CBR4: variants seen among roughly 807,000 people sequenced by gnomAD.
CBR4 encodes the protein carbonyl reductase 4, also known as 3-oxoacyl-[acyl-carrier-protein] reductase.
CBR4 carries 22 observed loss-of-function variants against 21.0 expected under a neutral mutation model. The observed-to-expected ratio is 1.05, with a 90% CI of 0.75 to 1.50. The LOEUF (loss-of-function observed/expected upper bound fraction) is 1.50, where lower values mean the gene tolerates loss of function less well. Ranked by LOEUF, CBR4 falls within the 40% of genes most tolerant of loss-of-function variation. CBR4 has a pLI of 0.00. For synonymous variants in CBR4, 100 were observed against 104.4 expected (o/e 0.96, Z 0.26); for missense variants, 302 against 286.3 (o/e 1.05, Z -0.40).
At chr4:168,972,430 T>C (rs1430426068) in intron 2 of CBR4, among the ~76,000 whole-genome samples, 3 of 152,246 alleles carry the variant, frequency 2.0e-5, no homozygotes, top group African/African-American at 7.2e-5. Context: ...TGTGTTTCCA[T>C]TCGTTTGTGT....
chr4:168,916,434 A>G (rs910672276), intron 2 of CBR4, among the ~76,000 whole-genome samples: 6 of 152,060 alleles, frequency 3.9e-5, no homozygotes, highest in African/African-American at 1.4e-4. Flanking sequence ...TTCTAGCTTA[A>G]GGGGGGGAAA....
At chr4:169,005,121 G>A (rs1388271276) in intron 3 of CBR4, 1 of 152,136 alleles carries the variant, frequency 6.6e-6, no homozygotes, top group African/African-American at 2.4e-5. Flanking sequence ...GAAGAGAACT[G>A]TGAAGTACAC....
chr4:168,987,217 G>A (rs1422442010), downstream of CBR4, among the ~76,000 whole-genome samples: 1 of 152,158 alleles, frequency 6.6e-6, no homozygotes, highest in Non-Finnish European at 1.5e-5. Flanking sequence ...TGCAAATTCA[G>A]TTATAAAGTG....
At chr4:168,925,243 T>G (rs1390248727) in intron 2 of CBR4, 1 of 1,609,598 alleles carries the variant, frequency 6.2e-7, no homozygotes, top group East Asian at 2.2e-5. Context: ...TTTCTCGACA[T>G]TAATAGTGAA....
intron 2 of CBR4, among the ~76,000 whole-genome samples, chr4:168,923,064 A>G (rs1453421875): frequency 2.0e-5 from 3 of 152,242 alleles, no homozygotes; most frequent in African/African-American, 7.2e-5. Context: ...GCTCTGCATA[A>G]CTAGTACCCT....
chr4:168,965,947 G>A (rs1285669658), intron 2 of CBR4, among the ~76,000 whole-genome samples: 1 of 152,150 alleles, frequency 6.6e-6, no homozygotes, highest in African/African-American at 2.4e-5. Flanking sequence ...ACTATCATCA[G>A]AGTGAACAGG....
At chr4:168,912,502 C>A (rs1331504792) in intron 2 of CBR4, among the ~76,000 whole-genome samples, 1 of 152,172 alleles carries the variant, frequency 6.6e-6, no homozygotes, top group African/African-American at 2.4e-5. Context: ...ACCAAAGTAA[C>A]AATGTGTGGC....
At position 168,950,914 on chromosome 4, in the gene CBR4, T is replaced by C. The variant is rs563181734; in HGVS notation, n.169+51157A>G. 8.5e-5 allele frequency among the ~76,000 whole-genome samples: 13 copies of C among 152,346 alleles called. No homozygotes were observed. In the South Asian group the frequency reaches 2.7e-3, roughly 32 times the overall value. The stretch of plus-strand genomic sequence containing the variant: ...CTAACATAAGAATAGCTACCCCTGC[T>C]CACTTTTGGTGCCTATTTGCATGAA... On this transcript the variant is annotated intron_variant and non_coding_transcript_variant, in intron 2 of 3. Transcript: ENST00000509108.
chr4:169,004,689 G>A (rs908046788), intron 3 of CBR4, among the ~76,000 whole-genome samples: 2 of 152,112 alleles, frequency 1.3e-5, no homozygotes, highest in African/African-American at 2.4e-5. Context: ...GCTTTATTCC[G>A]GTGGAGCAGA....
intron 3 of CBR4, among the ~76,000 whole-genome samples, chr4:169,004,105 TA>T (rs1245699995): frequency 6.6e-6 from 1 of 151,100 alleles, no homozygotes; most frequent in Non-Finnish European, 1.5e-5. Flanking sequence ...AATAATAAAA[TA>T]AAAAAATAAA....
At chr4:168,943,734 AC>A (rs1763324654) in intron 2 of CBR4, among the ~76,000 whole-genome samples, 1 of 152,022 alleles carries the variant, frequency 6.6e-6, no homozygotes, top group Non-Finnish European at 1.5e-5. Context: ...ACATGGTGAA[AC>A]CCCATCTCTA....
chr4:168,929,046 C>T (rs1762874152), intron 2 of CBR4, among the ~76,000 whole-genome samples: 1 of 152,140 alleles, frequency 6.6e-6, no homozygotes, highest in Admixed American at 6.5e-5. Flanking sequence ...TTCTGCCTGC[C>T]ACAGCAATGT....
At chr4:168,975,007 T>C (rs934552361) in intron 2 of CBR4, among the ~76,000 whole-genome samples, 1 of 152,198 alleles carries the variant, frequency 6.6e-6, no homozygotes, top group East Asian at 1.9e-4. Flanking sequence ...CCAGAGTTAC[T>C]TTTCTGATTT....
chr4:168,945,261 T>G (rs1183277915), intron 2 of CBR4, among the ~76,000 whole-genome samples: 2 of 152,198 alleles, frequency 1.3e-5, no homozygotes, highest in African/African-American at 4.8e-5. Context: ...TAAGAACCAC[T>G]GTCTTAGGAG....
intron 2 of CBR4, 48 bp from the exon 3 acceptor site, chr4:169,006,939 C>A (rs1433649178): frequency 2.0e-6 from 3 of 1,482,346 alleles, no homozygotes; most frequent in South Asian, 1.2e-5. Context: ...AAGATAAAAA[C>A]CAAAAAGGTC....
At chr4:169,000,584 A>G (rs1324854223) in intron 4 of CBR4, among the ~76,000 whole-genome samples, 1 of 152,148 alleles carries the variant, frequency 6.6e-6, no homozygotes, top group Non-Finnish European at 1.5e-5. Context: ...CTTTCTTACA[A>G]AGGACCAGCA....
intron 2 of CBR4, among the ~76,000 whole-genome samples, chr4:168,942,676 A>G (rs1427126821): frequency 6.6e-6 from 1 of 152,190 alleles, no homozygotes; most frequent in Non-Finnish European, 1.5e-5. Flanking sequence ...TAATCAACAC[A>G]GTGAACAGAC....
At chr4:168,956,384 T>C (rs1035285546) in intron 2 of CBR4, among the ~76,000 whole-genome samples, 2 of 151,288 alleles carry the variant, frequency 1.3e-5, no homozygotes, top group African/African-American at 4.9e-5. Context: ...GGCAGGAGCC[T>C]AGAAATTCAA....
intron 1 of CBR4, 139 bp from the exon 2 acceptor site, chr4:169,007,895 C>A: frequency 2.0e-6 from 1 of 509,372 alleles, no homozygotes; most frequent in Non-Finnish European, 3.3e-6. Context: ...TGTCATGAGG[C>A]CTGGCTTTCA....
Sources: gnomAD v4.1 joint callset for allele counts (sites outside exome capture counted in the v4.1 genomes callset) on GRCh38, gnomAD v4.1.1 for gene constraint, MANE v1.5 for transcripts, NCBI Gene and HGNC (gene_info 2026-07-23, HGNC 2026-07-21) for gene names.